The following LRRTM4 variants were observed in gnomAD, a reference collection of about 807,000 sequenced individuals.
The protein encoded by LRRTM4 is leucine rich repeat transmembrane neuronal 4, also known as leucine-rich repeat transmembrane neuronal protein 4.
A neutral mutation model predicts 47.6 loss-of-function variants in LRRTM4; 25 were observed. That is an observed-to-expected ratio of 0.53 (90% CI 0.38 to 0.73). The LOEUF (loss-of-function observed/expected upper bound fraction) is 0.73. Ranked by LOEUF, LRRTM4 falls within the 30% of genes least tolerant of loss-of-function variation. The probability of loss-of-function intolerance (pLI) is 0.00; values close to 1 mark genes in which losing one functional copy is unlikely to be tolerated. For synonymous variants in LRRTM4, 311 were observed against 269.5 expected, an observed-to-expected ratio of 1.15 and a Z score of -1.51; for missense variants, 638 against 713.4, an observed-to-expected ratio of 0.89 and a Z score of 1.20.
rs115057640 is a variant in LRRTM4 at position 77,427,497 on chromosome 2, T to C, written c.1551+90821A>G. ...AAGTGAAAAGAAGTATAGATTTGAA[T>C]GTACACAAATGTGTGTAACAATGAT... is the stretch of plus-strand genomic sequence containing the variant. On this transcript the variant is annotated intron_variant, in intron 3 of 3. Transcript: ENST00000409884. 1.0e-2 allele frequency among the ~76,000 whole-genome samples: 1,516 copies of C among 152,330 alleles called. 29 individuals carry two copies. Among genetic ancestry groups the C allele is most frequent in the African/African-American group, 0.035 (1,455 of 41,572 alleles).
intron 3 of LRRTM4, among the ~76,000 whole-genome samples, chr2:76,907,980 C>T (rs2103768635): frequency 6.6e-6 from 1 of 151,794 alleles, no homozygotes; most frequent in African/African-American, 2.4e-5. Flanking sequence ...GGAATCCTCC[C>T]TAACTCATTT....
chr2:77,176,603 G>C (rs1673204647), intron 3 of LRRTM4, among the ~76,000 whole-genome samples: 1 of 152,180 alleles, frequency 6.6e-6, no homozygotes, highest in Non-Finnish European at 1.5e-5. Flanking sequence ...GTGATGGCGT[G>C]AGGAACAAAC....
intron 3 of LRRTM4, among the ~76,000 whole-genome samples, chr2:77,132,906 G>A (rs1671840609): frequency 6.6e-6 from 1 of 152,132 alleles, no homozygotes; most frequent in Admixed American, 6.5e-5. Flanking sequence ...AACATTGGGA[G>A]GGAAGTGGAG....
chr2:77,378,181 C>T (rs565644960), intron 3 of LRRTM4, among the ~76,000 whole-genome samples: 30 of 151,810 alleles, frequency 2.0e-4, no homozygotes, highest in African/African-American at 6.5e-4. Flanking sequence ...TTGGATCTTG[C>T]CATATATTTA....
At chr2:76,845,122 A>G (rs1671800677) in intron 3 of LRRTM4, among the ~76,000 whole-genome samples, 1 of 152,222 alleles carries the variant, frequency 6.6e-6, no homozygotes, top group African/African-American at 2.4e-5. Context: ...ACCTGACTGT[A>G]AACAAACTGA....
chr2:76,801,472 C>G (rs991514037), intron 3 of LRRTM4, among the ~76,000 whole-genome samples: 1 of 151,864 alleles, frequency 6.6e-6, no homozygotes, highest in Non-Finnish European at 1.5e-5. Context: ...AATGAGATCA[C>G]ATGGACACAG....
intron 3 of LRRTM4, among the ~76,000 whole-genome samples, chr2:77,243,520 G>A (rs1240256250): frequency 1.3e-5 from 2 of 151,888 alleles, no homozygotes; most frequent in Admixed American, 6.6e-5. Flanking sequence ...GTAGAATGGT[G>A]GTTTCCGGCA....
At chr2:76,900,690 G>A (rs1173514537) in intron 3 of LRRTM4, among the ~76,000 whole-genome samples, 2 of 152,064 alleles carry the variant, frequency 1.3e-5, no homozygotes, top group Non-Finnish European at 2.9e-5. Flanking sequence ...TGAAAAAAAT[G>A]GGACACTTTA....
Position 77,087,031 on chromosome 2 carries a change from A to G in LRRTM4, c.1552-338115T>C, listed in dbSNP as rs575600178. ...CAGCGTAATATTGCAATTATCAGAA[A>G]CACAAAAGAAGATAGAATTGAAAAT... On this transcript the variant is annotated intron_variant, in intron 3 of 3. Transcript: ENST00000409884. Among the ~76,000 whole-genome samples, 4 of 151,954 alleles carry G rather than the reference A, an allele frequency of 2.6e-5. No homozygotes were observed. The South Asian group carries it at 8.3e-4, about 31-fold the overall frequency.
chr2:77,311,059 C>CATATAT (rs146036081), intron 3 of LRRTM4, among the ~76,000 whole-genome samples: 1 of 150,338 alleles, frequency 6.7e-6, no homozygotes, highest in African/African-American at 2.4e-5. Context: ...TATACACACA[C>CATATAT]ATATATATAT....
intron 3 of LRRTM4, among the ~76,000 whole-genome samples, chr2:77,067,276 A>C (rs1353655255): frequency 2.0e-5 from 3 of 152,178 alleles, no homozygotes; most frequent in African/African-American, 7.2e-5. Context: ...GAAAATCCTG[A>C]AAACTAAAGG....
intron 3 of LRRTM4, among the ~76,000 whole-genome samples, chr2:77,480,548 T>C (rs6547145): frequency 0.63 from 95,157 of 151,902 alleles, 30,118 homozygotes; most frequent in Middle Eastern, 0.72. Flanking sequence ...CAAGCAAGCT[T>C]AAGAAAATCA....
intron 3 of LRRTM4, among the ~76,000 whole-genome samples, chr2:76,998,172 C>T (rs1677270736): frequency 6.6e-6 from 1 of 152,082 alleles, no homozygotes; most frequent in Non-Finnish European, 1.5e-5. Flanking sequence ...AAAATGTCAT[C>T]CATGAAACCA....
intron 3 of LRRTM4, among the ~76,000 whole-genome samples, chr2:77,354,805 T>C (rs116212363): frequency 2.2e-3 from 328 of 152,282 alleles, no homozygotes; most frequent in African/African-American, 7.7e-3. Flanking sequence ...CCAGCTCTTC[T>C]ACCTCTCAAT....
At chr2:76,868,750 A>G (rs1672537067) in intron 3 of LRRTM4, among the ~76,000 whole-genome samples, 1 of 152,190 alleles carries the variant, frequency 6.6e-6, no homozygotes, top group South Asian at 2.1e-4. Context: ...AAGCATCAAA[A>G]AACTTAAACT....
intron 3 of LRRTM4, among the ~76,000 whole-genome samples, chr2:76,833,431 A>G (rs1671413620): frequency 6.6e-6 from 1 of 152,126 alleles, no homozygotes; most frequent in Non-Finnish European, 1.5e-5. Flanking sequence ...ACTAGATATA[A>G]AGAAAGTTAA....
chr2:76,972,525 C>T (rs550805198), intron 3 of LRRTM4, among the ~76,000 whole-genome samples: 1 of 142,676 alleles, frequency 7.0e-6, no homozygotes, highest in South Asian at 2.2e-4. Flanking sequence ...TCAAGCGATT[C>T]TTCTGCCTAA....
At chr2:77,099,647 G>T (rs1183527247) in intron 3 of LRRTM4, among the ~76,000 whole-genome samples, 4 of 151,646 alleles carry the variant, frequency 2.6e-5, no homozygotes, top group Non-Finnish European at 4.4e-5. Context: ...CGTTTTTGTG[G>T]ATGAGAAACA....
intron 3 of LRRTM4, among the ~76,000 whole-genome samples, chr2:77,466,126 CAAT>C (rs1676973496): frequency 6.6e-6 from 1 of 152,026 alleles, no homozygotes; most frequent in Non-Finnish European, 1.5e-5. Context: ...TTCTTAGAAA[CAAT>C]AGAATTAAAT....
Sources: gnomAD v4.1 joint callset for allele counts (sites outside exome capture counted in the v4.1 genomes callset) on GRCh38, gnomAD v4.1.1 for gene constraint, MANE v1.5 for transcripts, NCBI Gene and HGNC (gene_info 2026-07-23, HGNC 2026-07-21) for gene names.